ULK4: variants seen among roughly 807,000 people sequenced by gnomAD.
ULK4 encodes unc-51 like kinase 4, also known as inactive serine/threonine-protein kinase ULK4.
In ULK4, 133 loss-of-function variants were observed where a neutral mutation model predicts 160.6. That is an observed-to-expected ratio of 0.83 (90% confidence interval 0.72 to 0.96). The LOEUF is 0.96. Ranked by LOEUF, ULK4 falls within the 40% of genes least tolerant of loss-of-function variation. ULK4 has a pLI of 0.00. For missense variants in ULK4, 1,580 were observed against 1,499.5 expected, an observed-to-expected ratio of 1.05 and a Z score of -0.89; for synonymous variants, 534 against 539.8, an observed-to-expected ratio of 0.99 and a Z score of 0.15.
intron 35 of ULK4, among the ~76,000 whole-genome samples, chr3:41,308,019 A>C (rs2079981950): frequency 6.6e-6 from 1 of 152,076 alleles, no homozygotes; most frequent in Non-Finnish European, 1.5e-5. Context: ...AAACGTGAAA[A>C]CAACACATCC....
intron 35 of ULK4, among the ~76,000 whole-genome samples, chr3:41,375,945 C>A (rs1319938396): frequency 6.7e-6 from 1 of 149,860 alleles, no homozygotes; most frequent in Non-Finnish European, 1.5e-5. Flanking sequence ...AGAAAAAAAA[C>A]AAACAACCCC....
rs6769598 is a variant in ULK4 at position 41,394,836 on chromosome 3, C to T, written c.3678+3243G>A. Reference sequence around the variant, plus strand: ...CCAACACTGACTGACCCAGGGTAAACTAGAAAGCTTTCGGAAGATTTTGAG... The same window carrying T: ...CCAACACTGACTGACCCAGGGTAAATTAGAAAGCTTTCGGAAGATTTTGAG... On this transcript the variant is annotated intron_variant, in intron 35 of 36. Transcript: ENST00000301831. Among the ~76,000 whole-genome samples, 1,018 of 152,136 alleles carry T rather than the reference C, an allele frequency of 6.7e-3. 4 individuals are homozygous for T. The highest frequency in any genetic ancestry group is 0.015 in the East Asian group (78 of 5,144).
rs1036775589 is a variant in ULK4, at chr3:41,431,258, G to T, written c.3492+24239C>A. ...AGCTACTCAGGAAGCTGAGGCAGGA[G>T]AATTGCTTGAACCCGGGGGGCAGAG... On this transcript the variant is annotated intron_variant, in intron 34 of 36. Transcript: ENST00000301831. Among the ~76,000 whole-genome samples, 7 of 151,816 alleles carry T rather than the reference G, an allele frequency of 4.6e-5. No individual in the cohort carries two copies. The South Asian group carries it at 1.5e-3, about 32-fold the overall frequency.
chr3:41,781,860 A>G (rs2039851272), intron 21 of ULK4, among the ~76,000 whole-genome samples: 1 of 152,016 alleles, frequency 6.6e-6, no homozygotes, highest in South Asian at 2.1e-4. Flanking sequence ...AATCACTTGA[A>G]CCCGGGAGGC....
intron 22 of ULK4, among the ~76,000 whole-genome samples, chr3:41,725,675 T>G (rs1219688935): frequency 6.6e-6 from 1 of 152,230 alleles, no homozygotes; most frequent in African/African-American, 2.4e-5. Context: ...GTATTCCCTA[T>G]GGATACTGTC....
chr3:41,650,965 A>G (rs181401176), intron 30 of ULK4, among the ~76,000 whole-genome samples: 2 of 152,012 alleles, frequency 1.3e-5, no homozygotes, highest in South Asian at 2.1e-4. Context: ...TTTGACCCCC[A>G]TATCTCCTTC....
chr3:41,736,196 G>C (rs1461866347), intron 22 of ULK4, among the ~76,000 whole-genome samples: 1 of 151,474 alleles, frequency 6.6e-6, no homozygotes, highest in Non-Finnish European at 1.5e-5. Context: ...TAATCCTTTG[G>C]GTATATACCC....
chr3:41,740,553 C>T (rs2038207268), intron 22 of ULK4, among the ~76,000 whole-genome samples: 1 of 151,916 alleles, frequency 6.6e-6, no homozygotes, highest in Non-Finnish European at 1.5e-5. Flanking sequence ...CTGATCTTGA[C>T]AGCTCAATTT....
chr3:41,544,196 T>C (rs2086783669), intron 32 of ULK4, among the ~76,000 whole-genome samples: 1 of 110,770 alleles, frequency 9.0e-6, no homozygotes. Flanking sequence ...GTTATTGCTA[T>C]TTTATTGTTG....
At chr3:41,957,884 AT>A (rs1445211384) in intron 1 of ULK4, among the ~76,000 whole-genome samples, 1 of 151,944 alleles carries the variant, frequency 6.6e-6, no homozygotes, top group Non-Finnish European at 1.5e-5. Flanking sequence ...ATATTTAAAA[AT>A]TTTTAAAAAT....
At chr3:41,307,839 TAC>T (rs888173724) in intron 35 of ULK4, among the ~76,000 whole-genome samples, 1 of 126,524 alleles carries the variant, frequency 7.9e-6, no homozygotes, top group African/African-American at 3.5e-5. Flanking sequence ...CATACATACA[TAC>T]ATACACATAT....
chr3:41,552,662 A>G (rs1403731222), intron 32 of ULK4, among the ~76,000 whole-genome samples: 1 of 151,984 alleles, frequency 6.6e-6, no homozygotes, highest in African/African-American at 2.4e-5. Flanking sequence ...TAAAATGATC[A>G]TACTGCCCAA....
chr3:41,582,521 T>C (rs2576194), intron 31 of ULK4, among the ~76,000 whole-genome samples: 139,548 of 152,218 alleles, frequency 0.92, 64,376 homozygotes, highest in Middle Eastern at 0.97. Context: ...GTCAGCCTCA[T>C]GGTCAGCCCC....
At chr3:41,454,167 A>C (rs2083485735) in intron 34 of ULK4, among the ~76,000 whole-genome samples, 1 of 148,354 alleles carries the variant, frequency 6.7e-6, no homozygotes. Flanking sequence ...CCTAGAACTT[A>C]AAGTATAATT....
At chr3:41,303,372 AAT>A (rs1270131247) in intron 35 of ULK4, among the ~76,000 whole-genome samples, 4 of 152,238 alleles carry the variant, frequency 2.6e-5, no homozygotes, top group Non-Finnish European at 1.5e-5. Flanking sequence ...CTAGAGTATT[AAT>A]TCCACTTCCC....
chr3:41,473,877 T>C (rs1309754917), intron 32 of ULK4, among the ~76,000 whole-genome samples: 2 of 152,134 alleles, frequency 1.3e-5, no homozygotes, highest in Admixed American at 1.3e-4. Context: ...CCCATGTTCA[T>C]GGATTGGAGG....
At chr3:41,516,349 A>G (rs2085746711) in intron 32 of ULK4, among the ~76,000 whole-genome samples, 1 of 152,222 alleles carries the variant, frequency 6.6e-6, no homozygotes, top group African/African-American at 2.4e-5. Flanking sequence ...TATGAAATTT[A>G]CTTTTCAGCT....
intron 22 of ULK4, among the ~76,000 whole-genome samples, chr3:41,731,068 C>T (rs565569659): frequency 6.6e-6 from 1 of 151,948 alleles, no homozygotes; most frequent in South Asian, 2.1e-4. Context: ...AAACCCATGG[C>T]TAAATGTAAT....
At chr3:41,749,176 A>C (rs528205438) in intron 22 of ULK4, among the ~76,000 whole-genome samples, 1 of 152,324 alleles carries the variant, frequency 6.6e-6, no homozygotes, top group South Asian at 2.1e-4. Context: ...GATATTCCAC[A>C]CTTTATTATA....
Sources: gnomAD v4.1 joint callset for allele counts (sites outside exome capture counted in the v4.1 genomes callset) on GRCh38, gnomAD v4.1.1 for gene constraint, MANE v1.5 for transcripts, NCBI Gene and HGNC (gene_info 2026-07-23, HGNC 2026-07-21) for gene names.